The following DPYD variants were observed in gnomAD, a reference collection of about 807,000 sequenced individuals.
The protein encoded by DPYD is dihydropyrimidine dehydrogenase [NADP(+)].
DPYD carries 109 observed loss-of-function variants against 116.2 expected under a neutral mutation model. The observed-to-expected ratio is 0.94, with a 90% CI of 0.80 to 1.10. DPYD has a LOEUF of 1.10. DPYD is among the 50% of genes least tolerant of loss of function. The probability of loss-of-function intolerance (pLI) is 0.00; values close to 1 mark genes in which losing one functional copy is unlikely to be tolerated. For missense variants in DPYD, 1,302 were observed against 1,254.5 expected (o/e 1.04, Z -0.57); for synonymous variants, 440 against 432.0 (o/e 1.02, Z -0.23).
In DPYD at chr1:97,407,246, C is replaced by T. The variant is rs953145006; in HGVS notation, c.1906-24785G>A. ...TGCACAACATCAAATAGTCTGGGTA[C>T]ATTTTCCAAAACCATACATTTAAGC... On this transcript the variant is annotated intron_variant, in intron 14 of 22. Transcript: ENST00000370192. Among the ~76,000 whole-genome samples the T allele has an allele frequency of 3.3e-5, 5 of 152,238 alleles. No individual in the cohort carries two copies. In the South Asian group the frequency reaches 1.0e-3, roughly 32 times the overall value.
intron 2 of DPYD, among the ~76,000 whole-genome samples, chr1:97,828,441 C>G (rs1669359150): frequency 6.6e-6 from 1 of 152,150 alleles, no homozygotes; most frequent in East Asian, 1.9e-4. Flanking sequence ...GTTTCGTTAT[C>G]AATTTTTCAA....
chr1:97,477,811 G>A (rs538353355), intron 13 of DPYD, among the ~76,000 whole-genome samples: 217 of 151,642 alleles, frequency 1.4e-3, no homozygotes, highest in African/African-American at 4.8e-3. Context: ...TAGTAGAGAC[G>A]GGGTTTCACC....
intron 1 of DPYD, among the ~76,000 whole-genome samples, chr1:97,894,052 G>T (rs1488865565): frequency 6.6e-6 from 1 of 151,666 alleles, no homozygotes; most frequent in Non-Finnish European, 1.5e-5. Flanking sequence ...CCATAAGCTG[G>T]GTGGCTTAAA....
intron 20 of DPYD, among the ~76,000 whole-genome samples, chr1:97,152,926 C>A (rs1264685917): frequency 1.3e-5 from 2 of 152,066 alleles, no homozygotes; most frequent in Non-Finnish European, 2.9e-5. Flanking sequence ...ATTTAGAAAT[C>A]CCTTCTCATT....
Position 97,274,574 on chromosome 1 carries a change from A to G in DPYD, c.2299+30685T>C, listed in dbSNP as rs189364447. The stretch of plus-strand genomic sequence containing the variant: ...CCAGCCTTGGGTATTCCTTTATAGC[A>G]AGGCGAAATGGACTAATACAAAATA... On this transcript the variant is annotated intron_variant, in intron 18 of 22. Coordinates refer to ENST00000370192, the MANE Select transcript of DPYD (RefSeq NM_000110.4). Among the ~76,000 whole-genome samples the G allele has an allele frequency of 8.6e-4, 131 of 152,288 alleles. 1 individual carries two copies. Among genetic ancestry groups the G allele is most frequent in the African/African-American group, 2.9e-3 (122 of 41,580 alleles).
intron 8 of DPYD, among the ~76,000 whole-genome samples, chr1:97,619,846 C>A (rs1161807034): frequency 1.3e-5 from 2 of 152,032 alleles, no homozygotes; most frequent in Non-Finnish European, 2.9e-5. Context: ...TTGCCAGTGG[C>A]ATTTGTGCCT....
intron 15 of DPYD, among the ~76,000 whole-genome samples, chr1:97,375,564 T>G (rs1188857316): frequency 6.6e-6 from 1 of 152,204 alleles, no homozygotes; most frequent in Non-Finnish European, 1.5e-5. Context: ...AAAACCATGC[T>G]GCTCTTTCCT....
chr1:97,423,602 G>C (rs570157550), intron 14 of DPYD, among the ~76,000 whole-genome samples: 40 of 152,182 alleles, frequency 2.6e-4, no homozygotes, highest in African/African-American at 9.4e-4. Context: ...AGAATTTGGG[G>C]CATTGAGAGG....
chr1:97,711,803 C>T (rs1026743132), intron 5 of DPYD, among the ~76,000 whole-genome samples: 1 of 151,510 alleles, frequency 6.6e-6, no homozygotes, highest in Non-Finnish European at 1.5e-5. Flanking sequence ...TATTATAAAA[C>T]TTTTTTTTAC....
At chr1:97,594,952 T>G in intron 9 of DPYD, 107 bp downstream of exon 9, 12 of 790,182 alleles carry the variant, frequency 1.5e-5, no homozygotes, top group Non-Finnish European at 2.0e-5. Context: ...TTAGGCAAGG[T>G]TGGGTGTGAG....
At chr1:97,237,814 GAAGT>G (rs1259353309) in intron 18 of DPYD, among the ~76,000 whole-genome samples, 1 of 152,084 alleles carries the variant, frequency 6.6e-6, no homozygotes, top group Non-Finnish European at 1.5e-5. Context: ...ACACTACTTT[GAAGT>G]AATAAAGAAA....
chr1:97,231,034 G>A (rs1409134506), intron 19 of DPYD, among the ~76,000 whole-genome samples: 1 of 152,110 alleles, frequency 6.6e-6, no homozygotes, highest in East Asian at 1.9e-4. Flanking sequence ...TTTCTATGAG[G>A]ACACATAGTA....
intron 2 of DPYD, among the ~76,000 whole-genome samples, chr1:97,848,781 A>T (rs548944718): frequency 6.6e-6 from 1 of 152,342 alleles, no homozygotes; most frequent in African/African-American, 2.4e-5. Flanking sequence ...TCAAATAAAG[A>T]ACAAAGGTTT....
At chr1:97,669,498 T>G (rs911839725) in intron 8 of DPYD, among the ~76,000 whole-genome samples, 1 of 152,142 alleles carries the variant, frequency 6.6e-6, no homozygotes, top group Non-Finnish European at 1.5e-5. Context: ...AAAGGCAAGA[T>G]CTGAAGAAAA....
intron 7 of DPYD, among the ~76,000 whole-genome samples, chr1:97,690,280 C>G (rs1440313676): frequency 6.6e-6 from 1 of 151,954 alleles, no homozygotes; most frequent in East Asian, 1.9e-4. Flanking sequence ...TCTTGGCACT[C>G]AGTATATTGC....
chr1:97,204,693 GT>G (rs1300047608), intron 19 of DPYD, among the ~76,000 whole-genome samples: 1 of 152,068 alleles, frequency 6.6e-6, no homozygotes, highest in African/African-American at 2.4e-5. Context: ...TACTCAGAGG[GT>G]TTTTTTCATT....
At position 97,716,689 on chromosome 1, in the gene DPYD, TG is replaced by T. The variant is rs373649453; in HGVS notation, c.483+4820del. Among the ~76,000 whole-genome samples the T allele has an allele frequency of 2.4e-4, 37 of 152,158 alleles. No homozygotes were observed. The East Asian group carries it at 6.8e-3, about 28-fold the overall frequency. On this transcript the variant is annotated intron_variant, in intron 5 of 22. Transcript: ENST00000370192. Reference sequence around the variant, plus strand: ...TTTAAAAAAAGATGAGGAAGATGAATGGTCAATAAACAGATGAGAAAGTTTC... The same window carrying T: ...TTTAAAAAAAGATGAGGAAGATGAATGTCAATAAACAGATGAGAAAGTTTC...
intron 3 of DPYD, among the ~76,000 whole-genome samples, chr1:97,763,716 T>C (rs1665702672): frequency 6.6e-6 from 1 of 152,096 alleles, no homozygotes; most frequent in Non-Finnish European, 1.5e-5. Context: ...GTAATGCATC[T>C]TTTAAATTAT....
At chr1:97,693,133 A>G (rs2100954519) in intron 6 of DPYD, among the ~76,000 whole-genome samples, 1 of 151,884 alleles carries the variant, frequency 6.6e-6, no homozygotes, top group African/African-American at 2.4e-5. Context: ...TACTAAAAAT[A>G]CAAAAAAATT....
Sources: allele counts gnomAD v4.1 joint callset (sites outside exome capture counted in the v4.1 genomes callset), GRCh38; gene constraint gnomAD v4.1.1; transcripts MANE v1.5; gene names NCBI Gene and HGNC (gene_info 2026-07-23, HGNC 2026-07-21).